The following HARS2 variants were observed in gnomAD, a reference collection of about 807,000 sequenced individuals.
HARS2 encodes histidyl-tRNA synthetase 2, mitochondrial, also known as histidine--tRNA ligase, mitochondrial.
HARS2 carries 40 observed loss-of-function variants against 62.4 expected under a neutral mutation model. That is an observed-to-expected ratio of 0.64 (90% CI 0.50 to 0.83). HARS2 has a LOEUF of 0.83. Among genes scored for constraint, HARS2 ranks in the 40% least tolerant of loss-of-function variants. HARS2 has a pLI of 0.00. For synonymous variants in HARS2, 228 were observed against 227.0 expected (o/e 1.00, Z -0.04); for missense variants, 569 against 626.4 (o/e 0.91, Z 0.98).
chr5:140,696,496 G>C (rs1202654511), intron 7 of HARS2, 25 bp from the exon 8 acceptor site: 1 of 1,539,876 alleles, frequency 6.5e-7, no homozygotes. Context: ...CTTGGGGCTG[G>C]GCTAATGTTT....
chr5:140,691,728 G>T lies in HARS2; in HGVS notation c.80G>T (p.Cys27Phe). Reference sequence around the variant, plus strand: ...CTCCTGCGACCGCCCTGCGCTTCGTGCACCGGGGCGGTCCGTTGCCAAAGC... The same window carrying T: ...CTCCTGCGACCGCCCTGCGCTTCGTTCACCGGGGCGGTCCGTTGCCAAAGC... ...SQLLRPPCASCTGAVRCQSQV... is the reference protein window; with the variant it reads ...SQLLRPPCASFTGAVRCQSQV... Residue 27 changes from cysteine to phenylalanine, a missense_variant, in exon 1 of 13, where the codon TGC (cysteine) becomes TTC (phenylalanine). Coordinates refer to ENST00000230771, the MANE Select transcript of HARS2 (RefSeq NM_012208.4). The T allele has an allele frequency of 6.4e-7, 1 of 1,552,214 alleles. No homozygotes were observed. Among genetic ancestry groups the T allele is most frequent in the Non-Finnish European group, 8.7e-7 (1 of 1,147,528 alleles).
At chr5:140,696,028 G>A (rs1759727817) in intron 6 of HARS2, 75 bp from the exon 7 acceptor site, 1 of 1,123,586 alleles carries the variant, frequency 8.9e-7, no homozygotes, top group South Asian at 1.2e-5. Context: ...TTGTGTGTCA[G>A]GAAAGTAGGT....
chr5:140,693,481 T>C, intron 1 of HARS2, 110 bp from the exon 2 acceptor site: 1 of 1,596,006 alleles, frequency 6.3e-7, no homozygotes, highest in Non-Finnish European at 8.5e-7. Context: ...TTTGGCTTCC[T>C]GTTGCTCAGG....
In HARS2 at chr5:140,698,867, G is replaced by A. The variant is rs1759871631; in HGVS notation, c.*315G>A. ...TGTTGCTGTGAGCAAGGCTCTGGGAGAGTCACCTCAGGCTCAGGATTCTGA... is the reference window on the plus strand; with the variant it reads ...TGTTGCTGTGAGCAAGGCTCTGGGAAAGTCACCTCAGGCTCAGGATTCTGA... On this transcript the variant is annotated 3_prime_UTR_variant, in exon 13 of 13. Transcript: ENST00000230771. 2.4e-6 allele frequency: 1 copy of A among 418,046 alleles called. No individual in the cohort carries two copies. 25.9% of individuals were successfully genotyped at this position (418,046 alleles called of 1,614,324 possible).
intron 8 of HARS2, 116 bp downstream of exon 8, chr5:140,696,730 T>C: frequency 1.1e-6 from 1 of 947,522 alleles, no homozygotes. Context: ...GGGCCTGTCC[T>C]GAATTTAATT....
chr5:140,698,542 C>CT lies in HARS2; in HGVS notation c.1512dup (p.Glu505Ter), dbSNP rs863224041. On this transcript the variant is annotated frameshift_variant, in exon 13 of 13. Transcript: ENST00000230771. LOFTEE classifies it high-confidence loss of function. Reference sequence around the variant, plus strand: ...GTGGCTGAAATTCAGAAGCGACTGTCTGAGTCTTGATCCTTGCCTGATTCC... The same window carrying CT: ...GTGGCTGAAATTCAGAAGCGACTGTCTTGAGTCTTGATCCTTGCCTGATTCC... The CT allele has an allele frequency of 2.1e-5, 34 of 1,612,228 alleles. No homozygotes were observed. The highest frequency in any genetic ancestry group is 2.9e-5 in the Non-Finnish European group (34 of 1,178,354).
At position 140,691,647 on chromosome 5, in the gene HARS2, C is replaced by G. The variant is rs574815775; in HGVS notation, c.-2C>G. 1 of 1,545,954 alleles carries G rather than the reference C, an allele frequency of 6.5e-7. No homozygotes were observed. The highest frequency in any genetic ancestry group is 1.7e-4 in the Middle Eastern group (1 of 5,954). ...CCCGGAAAGCCGGCGTCCTGCCGCGCGATGCCCCTGCTCGGACTTCTTCCC... is the reference window on the plus strand; with the variant it reads ...CCCGGAAAGCCGGCGTCCTGCCGCGGGATGCCCCTGCTCGGACTTCTTCCC... On this transcript the variant is annotated 5_prime_UTR_variant, in exon 1 of 13. Coordinates refer to ENST00000230771, the MANE Select transcript of HARS2 (RefSeq NM_012208.4).
chr5:140,693,356 A>G (rs1202600381), intron 1 of HARS2: 3 of 749,564 alleles, frequency 4.0e-6, no homozygotes, highest in Non-Finnish European at 6.5e-6. Flanking sequence ...AAATCCATAT[A>G]CAGTGAGGAA....
intron 1 of HARS2, among the ~76,000 whole-genome samples, chr5:140,692,721 C>T (rs950786836): frequency 1.3e-5 from 2 of 151,934 alleles, no homozygotes; most frequent in Non-Finnish European, 2.9e-5. Context: ...GGCGAAACCC[C>T]GTATCTACTA....
rs184090919 is a variant in HARS2 at position 140,693,973 on chromosome 5, G to A, written c.222G>A (p.Arg74=). ...RDLSPQHMVV[R]EKILDLVISC... is the part of the protein sequence containing the mutation. ...TTAGTCCTCAGCATATGGTTGTGAG[G>A]GAGAAAATTCTTGATTTGGTTATCA... The change falls in exon 3 of 13, where the codon AGG becomes AGA. Residue 74 remains arginine, a synonymous_variant. Coordinates refer to ENST00000230771, the MANE Select transcript of HARS2 (RefSeq NM_012208.4). The A allele has an allele frequency of 1.2e-5, 20 of 1,614,056 alleles. 1 individual carries two copies. The highest frequency in any genetic ancestry group is 1.4e-5 in the Non-Finnish European group (16 of 1,179,932).
At chr5:140,694,115 C>G in intron 3 of HARS2, 61 bp downstream of exon 3, 1 of 1,609,362 alleles carries the variant, frequency 6.2e-7, no homozygotes, top group South Asian at 1.1e-5. Flanking sequence ...GTTCAGTGTC[C>G]CAAAGGGCTT....
chr5:140,693,809 A>G (rs1430372462), intron 2 of HARS2, 126 bp from the exon 3 acceptor site: 5 of 1,247,346 alleles, frequency 4.0e-6, no homozygotes, highest in Middle Eastern at 1.9e-4. Context: ...TGCGGCTCAG[A>G]GTCATTTGAA....
In HARS2 at chr5:140,697,657, T is replaced by C. The variant is rs1347212266; in HGVS notation, c.1286T>C (p.Ile429Thr). ...TTTCTCCAAGAACGGTTGAAGCTTA[T>C]TGCAGAGCTTTGGGATTCTGGAATC... is the stretch of plus-strand genomic sequence containing the variant. ...KNFLQERLKLIAELWDSGIKA... is the reference protein window; with the variant it reads ...KNFLQERLKLTAELWDSGIKA... The change falls in exon 11 of 13, where the codon ATT (isoleucine) becomes ACT (threonine). Residue 429 changes from isoleucine to threonine, a missense_variant. Physicochemically the swap from Ile to Thr is moderately conservative, Grantham distance 89 (BLOSUM62 -1). Coordinates refer to ENST00000230771, the MANE Select transcript of HARS2 (RefSeq NM_012208.4). The C allele has an allele frequency of 1.2e-6, 2 of 1,612,998 alleles. No individual in the cohort carries two copies. Among genetic ancestry groups the C allele is most frequent in the East Asian group, 2.2e-5 (1 of 44,882 alleles).
In HARS2 at chr5:140,691,653, C is replaced by T. The variant is rs1337749498; in HGVS notation, c.5C>T (p.Pro2Leu). 5 of 1,549,002 alleles carry T rather than the reference C, an allele frequency of 3.2e-6. No homozygotes were observed. The highest frequency in any genetic ancestry group is 4.4e-6 in the Non-Finnish European group (5 of 1,145,238). Reference protein sequence around the residue: MPLLGLLPRRAW... With the variant: MLLLGLLPRRAW... The stretch of plus-strand genomic sequence containing the variant: ...AAGCCGGCGTCCTGCCGCGCGATGC[C>T]CCTGCTCGGACTTCTTCCCAGGAGG... Residue 2 changes from proline (P) to leucine (L), a missense_variant, in exon 1 of 13, where the codon CCC becomes CTC. Coordinates refer to ENST00000230771, the MANE Select transcript of HARS2 (RefSeq NM_012208.4).
intron 12 of HARS2, 74 bp from the exon 13 acceptor site, chr5:140,698,417 CAA>C (rs1174743633): frequency 8.8e-7 from 1 of 1,141,952 alleles, no homozygotes; most frequent in African/African-American, 1.5e-5. Context: ...CAGAGTAAAA[CAA>C]ATCTGGAAAA....
rs1759849983 is a variant in HARS2, at chr5:140,698,506, G to A, written c.1475G>A (p.Arg492Gln). Residue 492 changes from arginine to glutamine, a missense_variant, in exon 13 of 13, where the codon CGG becomes CAG. By Grantham distance (43) the Arg-to-Gln change is conservative. Coordinates refer to ENST00000230771, the MANE Select transcript of HARS2 (RefSeq NM_012208.4). ...CTTATGTTTCAGGTGGCCATTAAAC[G>A]GGAAAATTTTGTGGCTGAAATTCAG... Reference protein sequence around the residue: ...VASREEVAIKRENFVAEIQKR... With the variant: ...VASREEVAIKQENFVAEIQKR... 2.5e-6 allele frequency: 4 copies of A among 1,611,696 alleles called. No homozygotes were observed. Among genetic ancestry groups the A allele is most frequent in the South Asian group, 1.1e-5 (1 of 91,046 alleles).
rs1455855685 is a variant in HARS2, at chr5:140,691,563, A to G, written c.-86A>G. 1 of 912,620 alleles carries G rather than the reference A, an allele frequency of 1.1e-6. No homozygotes were observed. The highest frequency in any genetic ancestry group is 1.8e-6 in the Non-Finnish European group (1 of 571,022). 56.5% of individuals were successfully genotyped at this position (912,620 alleles called of 1,614,324 possible). A position where few individuals can be genotyped will look rare whatever the true frequency, so the allele number is the denominator to read the frequency against. On this transcript the variant is annotated 5_prime_UTR_variant, in exon 1 of 13. Coordinates refer to ENST00000230771, the MANE Select transcript of HARS2 (RefSeq NM_012208.4). ...CCTGGTGCGCGGGTTCCGCCTTTGC[A>G]GTGCCCTCCACCCTTCCTGGTGTCT...
chr5:140,692,923 A>C (rs1020155992), intron 1 of HARS2, among the ~76,000 whole-genome samples: 7 of 151,856 alleles, frequency 4.6e-5, no homozygotes, highest in Non-Finnish European at 8.8e-5. Flanking sequence ...TTGCTCTTTC[A>C]GTAGGAACGG....
Position 140,696,589 on chromosome 5 carries a change from A to G in HARS2, c.801A>G (p.Arg267=). The change falls in exon 8 of 13, where the codon CGA becomes CGG. Residue 267 remains arginine, a synonymous_variant. Coordinates refer to ENST00000230771, the MANE Select transcript of HARS2 (RefSeq NM_012208.4). ...GCCTGGCTCCTGAGGTGGCTGATCG[A>G]ATTGGGGACTATGTCCAGTGTCATG... ...KKGLAPEVAD[R]IGDYVQCHGG... is the part of the protein sequence containing the mutation. 6.2e-7 allele frequency: 1 copy of G among 1,612,256 alleles called. No homozygotes were observed. The highest frequency in any genetic ancestry group is 8.5e-7 in the Non-Finnish European group (1 of 1,178,272).
Sources: gnomAD v4.1 joint callset for allele counts (sites outside exome capture counted in the v4.1 genomes callset) on GRCh38, gnomAD v4.1.1 for gene constraint, MANE v1.5 for transcripts, NCBI Gene and HGNC (gene_info 2026-07-23, HGNC 2026-07-21) for gene names.